DCLK1: variants seen among roughly 807,000 people sequenced by gnomAD.
DCLK1 encodes serine/threonine-protein kinase DCLK1.
A neutral mutation model predicts 86.2 loss-of-function variants in DCLK1; 16 were observed. The observed-to-expected ratio is 0.19, with a 90% CI of 0.13 to 0.28. DCLK1 has a LOEUF of 0.28. Ranked by LOEUF, DCLK1 falls within the 10% of genes least tolerant of loss-of-function variation. DCLK1 has a pLI of 1.00. For missense variants in DCLK1, 590 were observed against 940.2 expected (o/e 0.63, Z 4.87); for synonymous variants, 369 against 370.5 (o/e 1.00, Z 0.05).
chr13:35,905,177 T>C (rs948145171), intron 4 of DCLK1, among the ~76,000 whole-genome samples: 3 of 152,188 alleles, frequency 2.0e-5, no homozygotes, highest in Non-Finnish European at 2.9e-5. Flanking sequence ...TGTGGCCTTA[T>C]GTTGCCTTGT....
At chr13:36,106,504 G>A (rs960902825) in intron 3 of DCLK1, among the ~76,000 whole-genome samples, 1 of 152,088 alleles carries the variant, frequency 6.6e-6, no homozygotes, top group Non-Finnish European at 1.5e-5. Context: ...TAAATTACTT[G>A]TATCAACTGT....
intron 8 of DCLK1, among the ~76,000 whole-genome samples, chr13:35,829,490 A>C (rs1868771570): frequency 6.6e-6 from 1 of 152,174 alleles, no homozygotes; most frequent in South Asian, 2.1e-4. Flanking sequence ...TAAAATCTTC[A>C]GTATGGTGAA....
At position 36,028,555 on chromosome 13, in the gene DCLK1, G is replaced by A. The variant is rs1043568490; in HGVS notation, c.724-81098C>T. 2.0e-5 allele frequency among the ~76,000 whole-genome samples: 3 copies of A among 152,140 alleles called. No individual in the cohort carries two copies. The East Asian group carries it at 5.8e-4, about 29-fold the overall frequency. On this transcript the variant is annotated intron_variant, in intron 3 of 16. Coordinates refer to ENST00000360631, the MANE Select transcript of DCLK1 (RefSeq NM_001330071.2). ...CAGGCTGTTTCTTGGCCTGGGAAAT[G>A]CTCATCTTATCTGCACCCAGGTGAT...
intron 2 of DCLK1, among the ~76,000 whole-genome samples, chr13:36,114,311 A>G (rs1030586107): frequency 6.6e-6 from 1 of 152,220 alleles, no homozygotes; most frequent in Admixed American, 6.5e-5. Flanking sequence ...AGCAACAATG[A>G]TCAGAAGAAA....
rs1161543837 is a variant in DCLK1, at chr13:35,769,463, T to A, written c.*5072A>T. On this transcript the variant is annotated 3_prime_UTR_variant, in exon 17 of 17. Coordinates refer to ENST00000360631, the MANE Select transcript of DCLK1 (RefSeq NM_001330071.2). ...GGCTAGTATTAATTTCCTAATAAAA[T>A]TTTTTTTCAAAAGTTATCGAGGATA... 1 of 151,966 alleles carries A rather than the reference T, an allele frequency of 6.6e-6. No homozygotes were observed. Among genetic ancestry groups the A allele is most frequent in the African/African-American group, 2.4e-5 (1 of 41,382 alleles). The allele number at this position is 151,966 out of a possible 1,614,324, so 9.4% of individuals were successfully genotyped here. A position where few individuals can be genotyped will look rare whatever the true frequency, so the allele number is the denominator to read the frequency against.
At chr13:36,097,902 A>G (rs1440998319) in intron 3 of DCLK1, among the ~76,000 whole-genome samples, 15 of 152,178 alleles carry the variant, frequency 9.9e-5, no homozygotes, top group Non-Finnish European at 4.4e-5. Flanking sequence ...TTTGGAAAAC[A>G]CTATATAATG....
At chr13:36,068,039 C>T (rs1244594733) in intron 3 of DCLK1, among the ~76,000 whole-genome samples, 3 of 152,174 alleles carry the variant, frequency 2.0e-5, no homozygotes, top group Admixed American at 1.3e-4. Context: ...AAAGAAAAAA[C>T]TTAAGTATTA....
chr13:36,003,743 G>A (rs1162364728), intron 3 of DCLK1, among the ~76,000 whole-genome samples: 1 of 152,100 alleles, frequency 6.6e-6, no homozygotes, highest in African/African-American at 2.4e-5. Context: ...AAAACAACTT[G>A]TACACTGTGA....
chr13:35,930,904 T>C (rs1183509533), intron 4 of DCLK1, among the ~76,000 whole-genome samples: 2 of 152,240 alleles, frequency 1.3e-5, no homozygotes, highest in East Asian at 3.9e-4. Context: ...CCTCTTCTCA[T>C]GTCACTCTGT....
At chr13:35,988,188 G>A (rs966838425) in intron 3 of DCLK1, among the ~76,000 whole-genome samples, 2 of 152,194 alleles carry the variant, frequency 1.3e-5, no homozygotes, top group Non-Finnish European at 2.9e-5. Context: ...GGATGCGTCG[G>A]CCCCCGCCGC....
intron 3 of DCLK1, among the ~76,000 whole-genome samples, chr13:36,090,277 C>T (rs575733452): frequency 6.6e-5 from 10 of 152,288 alleles, no homozygotes; most frequent in African/African-American, 1.2e-4. Flanking sequence ...GCCTACAGTC[C>T]GATAAGGACG....
At chr13:35,882,709 C>A in intron 4 of DCLK1, among the ~76,000 whole-genome samples, 1 of 152,052 alleles carries the variant, frequency 6.6e-6, no homozygotes, top group African/African-American at 2.4e-5. Flanking sequence ...CCCAATACTG[C>A]CACCTTGCCT....
chr13:36,102,784 C>A (rs1356565211), intron 3 of DCLK1, among the ~76,000 whole-genome samples: 1 of 152,192 alleles, frequency 6.6e-6, no homozygotes, highest in African/African-American at 2.4e-5. Flanking sequence ...CACTGAATAG[C>A]ACCTCAAGAA....
At chr13:35,989,415 G>A (rs1880106358) in intron 3 of DCLK1, among the ~76,000 whole-genome samples, 3 of 151,994 alleles carry the variant, frequency 2.0e-5, no homozygotes, top group Admixed American at 2.0e-4. Flanking sequence ...GGGATTACAG[G>A]TGCTCACCAC....
At chr13:35,909,641 AT>A (rs566124878) in intron 4 of DCLK1, among the ~76,000 whole-genome samples, 115 of 125,254 alleles carry the variant, frequency 9.2e-4, no homozygotes, top group Middle Eastern at 4.1e-3. Context: ...GTGTGTGTGT[AT>A]TTTTTTTTTC....
chr13:35,971,553 G>A (rs1181408670), intron 3 of DCLK1, among the ~76,000 whole-genome samples: 4 of 152,032 alleles, frequency 2.6e-5, no homozygotes, highest in Non-Finnish European at 5.9e-5. Context: ...ACCTGAGGTC[G>A]GGAGTTCGAG....
At chr13:35,946,834 A>G (rs1877411209) in intron 4 of DCLK1, among the ~76,000 whole-genome samples, 1 of 152,206 alleles carries the variant, frequency 6.6e-6, no homozygotes, top group Admixed American at 6.5e-5. Flanking sequence ...TATCTATTAC[A>G]GAGTAGCACA....
intron 4 of DCLK1, among the ~76,000 whole-genome samples, chr13:35,937,967 C>G (rs1201164655): frequency 2.6e-5 from 4 of 151,888 alleles, no homozygotes; most frequent in Non-Finnish European, 1.5e-5. Flanking sequence ...AGAAGAGAGA[C>G]TATAGATAGG....
intron 4 of DCLK1, among the ~76,000 whole-genome samples, chr13:35,922,899 G>A (rs1444973323): frequency 1.3e-5 from 2 of 152,278 alleles, no homozygotes; most frequent in East Asian, 3.9e-4. Context: ...CTGGGCACCT[G>A]GAAGCCTGTC....
Sources: allele counts gnomAD v4.1 joint callset (sites outside exome capture counted in the v4.1 genomes callset), GRCh38; gene constraint gnomAD v4.1.1; transcripts MANE v1.5; gene names NCBI Gene and HGNC (gene_info 2026-07-23, HGNC 2026-07-21).